Variants in RGL1 observed in about 807,000 individuals in gnomAD.
RGL1 encodes ral guanine nucleotide dissociation stimulator like 1, also known as ral guanine nucleotide dissociation stimulator-like 1.
In RGL1, 24 loss-of-function variants were observed where a neutral mutation model predicts 95.2. The observed-to-expected ratio is 0.25, with a 90% confidence interval of 0.18 to 0.35. RGL1 has a LOEUF of 0.35. Among genes scored for constraint, RGL1 ranks in the 10% least tolerant of loss-of-function variants. RGL1 has a pLI of 1.00. For synonymous variants in RGL1, 329 were observed against 344.9 expected, an observed-to-expected ratio of 0.95 and a Z score of 0.51; for missense variants, 715 against 936.3, an observed-to-expected ratio of 0.76 and a Z score of 3.08.
chr1:183,653,085 C>G (rs1650885441), intron 1 of RGL1: 1 of 152,250 alleles, frequency 6.6e-6, no homozygotes, highest in South Asian at 2.1e-4. Flanking sequence ...CAATTTGTCT[C>G]CAGGCTTGGA....
At chr1:183,802,600 C>CAAAAAAAAAAA (rs34038144), upstream of RGL1, among the ~76,000 whole-genome samples, 1 of 90,068 alleles carries the variant, frequency 1.1e-5, no homozygotes, top group East Asian at 3.2e-4. Context: ...GGTGTATCAG[C>CAAAAAAAAAAA]AAAAAAAAAA....
At chr1:183,797,775 C>T (rs1660774291) in intron 2 of RGL1, among the ~76,000 whole-genome samples, 2 of 152,140 alleles carry the variant, frequency 1.3e-5, no homozygotes, top group African/African-American at 4.8e-5. Flanking sequence ...TAGGAACAAC[C>T]ATAGCAGAAT....
At chr1:183,923,977 C>T (rs1173674073) in intron 17 of RGL1, among the ~76,000 whole-genome samples, 1 of 152,172 alleles carries the variant, frequency 6.6e-6, no homozygotes, top group East Asian at 1.9e-4. Context: ...GCTAGACTTG[C>T]ACATTTTACC....
intron 1 of RGL1, among the ~76,000 whole-genome samples, chr1:183,684,792 C>T (rs1017312082): frequency 2.0e-5 from 3 of 152,286 alleles, no homozygotes; most frequent in Middle Eastern, 3.4e-3. Context: ...GGCCAGAGTG[C>T]ACTGTCCCTC....
chr1:183,924,721 G>A (rs1431880515), intron 17 of RGL1, among the ~76,000 whole-genome samples: 1 of 151,134 alleles, frequency 6.6e-6, no homozygotes, highest in African/African-American at 2.4e-5. Flanking sequence ...GAGGCAGGTA[G>A]ATCATCTGAC....
intron 1 of RGL1, among the ~76,000 whole-genome samples, chr1:183,666,666 C>A (rs1387840571): frequency 6.6e-6 from 1 of 152,100 alleles, no homozygotes; most frequent in Non-Finnish European, 1.5e-5. Flanking sequence ...AATTTTCCAG[C>A]TATCTTTCTG....
At chr1:183,861,811 A>G (rs1354818574) in intron 3 of RGL1, among the ~76,000 whole-genome samples, 1 of 152,208 alleles carries the variant, frequency 6.6e-6, no homozygotes, top group Non-Finnish European at 1.5e-5. Context: ...ATGGCCATTA[A>G]TTAAACATAC....
intron 16 of RGL1, among the ~76,000 whole-genome samples, chr1:183,917,796 G>T (rs1261254797): frequency 3.3e-5 from 5 of 152,216 alleles, no homozygotes; most frequent in Admixed American, 3.3e-4. Flanking sequence ...CCACACAGAG[G>T]AGTGTGTTAA....
chr1:183,779,847 A>G (rs1659805910), intron 2 of RGL1, among the ~76,000 whole-genome samples: 1 of 152,146 alleles, frequency 6.6e-6, no homozygotes, highest in Non-Finnish European at 1.5e-5. Flanking sequence ...CTGCAAGCCA[A>G]TTGAAAACAG....
At chr1:183,805,403 C>T in intron 1 of RGL1, 79 bp downstream of exon 1, 2 of 1,324,482 alleles carry the variant, frequency 1.5e-6, no homozygotes, top group Non-Finnish European at 2.2e-6. Context: ...GTGTTTTGGA[C>T]TCCCTCGGAG....
intron 3 of RGL1, among the ~76,000 whole-genome samples, chr1:183,848,015 T>C (rs538052330): frequency 1.3e-5 from 2 of 152,312 alleles, no homozygotes; most frequent in African/African-American, 4.8e-5. Flanking sequence ...ATACCTTAAA[T>C]CTAGATTCAG....
chr1:183,889,327 T>G (rs908666350), intron 8 of RGL1, among the ~76,000 whole-genome samples: 14 of 152,186 alleles, frequency 9.2e-5, no homozygotes, highest in African/African-American at 3.1e-4. Context: ...CCAGCTACAT[T>G]CAACAAGTTT....
intron 1 of RGL1, among the ~76,000 whole-genome samples, chr1:183,677,747 G>A (rs1374732423): frequency 6.6e-6 from 1 of 152,134 alleles, no homozygotes; most frequent in Non-Finnish European, 1.5e-5. Context: ...TTTTACACAT[G>A]TATATTCCCT....
intron 1 of RGL1, among the ~76,000 whole-genome samples, chr1:183,643,035 C>G (rs1187191577): frequency 6.6e-6 from 1 of 152,146 alleles, no homozygotes; most frequent in East Asian, 1.9e-4. Flanking sequence ...CTATTTTTGA[C>G]TGGTTTATTT....
intron 4 of RGL1, among the ~76,000 whole-genome samples, chr1:183,875,994 C>T (rs1292888210): frequency 6.6e-6 from 1 of 152,144 alleles, no homozygotes; most frequent in Non-Finnish European, 1.5e-5. Context: ...AGCTCTTTCA[C>T]CGCAGAACCT....
intron 1 of RGL1, among the ~76,000 whole-genome samples, chr1:183,663,823 A>G (rs1651834012): frequency 6.6e-6 from 1 of 151,044 alleles, no homozygotes; most frequent in African/African-American, 2.5e-5. Context: ...CAAATGTCCA[A>G]CAACGATAGA....
chr1:183,917,582 A>T (rs902439650), intron 16 of RGL1, among the ~76,000 whole-genome samples: 1 of 152,344 alleles, frequency 6.6e-6, no homozygotes, highest in African/African-American at 2.4e-5. Context: ...GCTCCACATA[A>T]AAGCTTTGCT....
intron 1 of RGL1, among the ~76,000 whole-genome samples, chr1:183,701,588 C>CT (rs1484077854): frequency 6.6e-6 from 1 of 152,140 alleles, no homozygotes; most frequent in Admixed American, 6.5e-5. Context: ...CCCACCCCAC[C>CT]CTCCACTGCC....
chr1:183,747,041 T>C (rs1380205306), intron 2 of RGL1, among the ~76,000 whole-genome samples: 1 of 152,206 alleles, frequency 6.6e-6, no homozygotes, highest in Non-Finnish European at 1.5e-5. Context: ...ACATTTTCTT[T>C]TTCCAGTCTA....
Sources: gnomAD v4.1 joint callset for allele counts (sites outside exome capture counted in the v4.1 genomes callset) on GRCh38, gnomAD v4.1.1 for gene constraint, MANE v1.5 for transcripts, NCBI Gene and HGNC (gene_info 2026-07-23, HGNC 2026-07-21) for gene names.